Variants in NPSR1 observed in about 807,000 individuals in gnomAD.
The protein encoded by NPSR1 is neuropeptide S receptor.
In NPSR1, 48 loss-of-function variants were observed where a neutral mutation model predicts 46.9. The ratio of observed to expected loss-of-function variants is 1.02; its 90% CI spans 0.81 to 1.30. NPSR1 has a LOEUF of 1.30. Among genes scored for constraint, NPSR1 ranks in the 50% most tolerant of loss-of-function variants. The pLI, the probability that NPSR1 is intolerant of heterozygous loss-of-function variation, is 0.00. For synonymous variants in NPSR1, 176 were observed against 168.1 expected (o/e 1.05, Z -0.36); for missense variants, 450 against 449.5 (o/e 1.00, Z -0.01).
intron 3 of NPSR1, among the ~76,000 whole-genome samples, chr7:34,786,152 A>G (rs556964506): frequency 6.6e-6 from 1 of 152,144 alleles, no homozygotes; most frequent in African/African-American, 2.4e-5. Context: ...ATTGGAGTCA[A>G]TTCTCTCAAA....
intron 3 of NPSR1, among the ~76,000 whole-genome samples, chr7:34,811,464 G>A (rs903960187): frequency 1.3e-5 from 2 of 152,108 alleles, no homozygotes; most frequent in Non-Finnish European, 2.9e-5. Flanking sequence ...TATGGGTACA[G>A]GATAGGGGCA....
At chr7:34,700,653 C>G (rs1177261421) in intron 2 of NPSR1, among the ~76,000 whole-genome samples, 1 of 152,164 alleles carries the variant, frequency 6.6e-6, no homozygotes, top group Non-Finnish European at 1.5e-5. Context: ...TTTCCACAAA[C>G]TCACCTCTTT....
At chr7:34,660,888 G>C (rs1027495941) in intron 1 of NPSR1, among the ~76,000 whole-genome samples, 3 of 152,012 alleles carry the variant, frequency 2.0e-5, no homozygotes, top group South Asian at 4.2e-4. Flanking sequence ...AGCTTCATTA[G>C]TGTCACGGAC....
chr7:34,735,218 C>G, intron 2 of NPSR1, among the ~76,000 whole-genome samples: 1 of 152,288 alleles, frequency 6.6e-6, no homozygotes, highest in East Asian at 1.9e-4. Flanking sequence ...GAGAGTCTCT[C>G]CACTCCCTTG....
intron 2 of NPSR1, among the ~76,000 whole-genome samples, chr7:34,716,339 T>C (rs1783564695): frequency 6.6e-6 from 1 of 152,136 alleles, no homozygotes. Context: ...CTTGGTGCCA[T>C]GGAAAAATTT....
chr7:34,850,336 C>T (rs889966082), downstream of NPSR1, among the ~76,000 whole-genome samples: 6 of 151,604 alleles, frequency 4.0e-5, no homozygotes, highest in African/African-American at 1.5e-4. Flanking sequence ...TGTTAAAAAG[C>T]CATGGGCCCC....
Position 34,844,796 on chromosome 7 carries a change from A to C in NPSR1, c.758-100A>C. ...TCTGGGCATAAATGCACAGGATATAAGTGAAAACTGGAGTCTAACCTTTAA... is the reference window on the plus strand; with the variant it reads ...TCTGGGCATAAATGCACAGGATATACGTGAAAACTGGAGTCTAACCTTTAA... On this transcript the variant is annotated intron_variant, in intron 6 of 8. Coordinates refer to ENST00000360581, the MANE Select transcript of NPSR1 (RefSeq NM_207172.2). 6 of 807,286 alleles carry C rather than the reference A, an allele frequency of 7.4e-6. No individual in the cohort carries two copies. The South Asian group carries it at 8.3e-5, about 11-fold the overall frequency. The allele number at this position is 807,286 out of a possible 1,614,324, so 50.0% of individuals were successfully genotyped here. A position where few individuals can be genotyped will look rare whatever the true frequency, so the allele number is the denominator to read the frequency against.
intron 2 of NPSR1, among the ~76,000 whole-genome samples, chr7:34,755,186 C>T (rs67700340): frequency 0.11 from 16,837 of 152,170 alleles, 1,123 homozygotes; most frequent in Middle Eastern, 0.16. Flanking sequence ...GGTTAGCATT[C>T]TAAGCAACTA....
rs192024938 is a variant in NPSR1, at chr7:34,716,160, T to A, written c.280+31476T>A. 1.7e-4 allele frequency among the ~76,000 whole-genome samples: 26 copies of A among 152,180 alleles called. No individual in the cohort carries two copies. In the East Asian group the frequency reaches 4.5e-3, roughly 26 times the overall value. ...GTGCCCACTTATTGGAAAACACACC[T>A]GAGATGAAAAGCATGCTCTAAACTC... On this transcript the variant is annotated intron_variant, in intron 2 of 8. Coordinates refer to ENST00000360581, the MANE Select transcript of NPSR1 (RefSeq NM_207172.2).
chr7:34,775,453 G>A (rs948574203), intron 2 of NPSR1, among the ~76,000 whole-genome samples: 2 of 152,282 alleles, frequency 1.3e-5, no homozygotes, highest in Non-Finnish European at 1.5e-5. Context: ...ATTCAGCAGA[G>A]AAGCCATCAG....
chr7:34,748,874 T>C (rs1173017636), intron 2 of NPSR1, among the ~76,000 whole-genome samples: 1 of 147,634 alleles, frequency 6.8e-6, no homozygotes, highest in Non-Finnish European at 1.5e-5. Context: ...TGCATTCATC[T>C]TCCCCCCAGT....
intron 2 of NPSR1, among the ~76,000 whole-genome samples, chr7:34,696,442 C>A (rs1562658490): frequency 6.6e-6 from 1 of 151,950 alleles, no homozygotes; most frequent in Non-Finnish European, 1.5e-5. Flanking sequence ...CTGTGTATTA[C>A]AATATGCCTG....
chr7:34,702,493 A>G (rs1793879012), intron 2 of NPSR1, among the ~76,000 whole-genome samples: 1 of 152,212 alleles, frequency 6.6e-6, no homozygotes, highest in Non-Finnish European at 1.5e-5. Context: ...AGAACTGAGA[A>G]GTTTAGACAA....
At chr7:34,798,038 A>C (rs1307352245) in intron 3 of NPSR1, among the ~76,000 whole-genome samples, 1 of 152,204 alleles carries the variant, frequency 6.6e-6, no homozygotes, top group African/African-American at 2.4e-5. Context: ...GAAGTTCTTC[A>C]GATAAAGGGG....
intron 2 of NPSR1, among the ~76,000 whole-genome samples, chr7:34,730,356 T>G (rs913920543): frequency 6.6e-6 from 1 of 152,214 alleles, no homozygotes; most frequent in African/African-American, 2.4e-5. Context: ...CTGTACTTGC[T>G]GTTCCCTCTG....
At position 34,832,820 on chromosome 7, in the gene NPSR1, T is replaced by G. The variant is rs77106679; in HGVS notation, c.681-1564T>G. ...TTGCAATTGACATAACCATTAACTT[T>G]CCATGGTGAGTGTAACCTTACCTTG... On this transcript the variant is annotated intron_variant, in intron 5 of 8. Transcript: ENST00000360581. Among the ~76,000 whole-genome samples, 394 of 152,372 alleles carry G rather than the reference T, an allele frequency of 2.6e-3. 2 individuals carry two copies. Among genetic ancestry groups the G allele is most frequent in the African/African-American group, 9.2e-3 (381 of 41,598 alleles).
intron 4 of NPSR1, among the ~76,000 whole-genome samples, chr7:34,819,451 C>G (rs920311436): frequency 6.6e-6 from 1 of 152,204 alleles, no homozygotes; most frequent in Admixed American, 6.5e-5. Flanking sequence ...AATAGGAACA[C>G]TTTTACACTG....
chr7:34,783,770 G>T (rs1458374092), intron 3 of NPSR1, among the ~76,000 whole-genome samples: 1 of 151,904 alleles, frequency 6.6e-6, no homozygotes, highest in Non-Finnish European at 1.5e-5. Context: ...CAAGAGAGAA[G>T]AGGCAAATCA....
chr7:34,807,886 C>T (rs1350484339), intron 3 of NPSR1, among the ~76,000 whole-genome samples: 2 of 151,904 alleles, frequency 1.3e-5, no homozygotes, highest in Non-Finnish European at 2.9e-5. Flanking sequence ...GCTCCCCGCC[C>T]CTACCCCCCA....
Sources: gnomAD v4.1 joint callset for allele counts (sites outside exome capture counted in the v4.1 genomes callset) on GRCh38, gnomAD v4.1.1 for gene constraint, MANE v1.5 for transcripts, NCBI Gene and HGNC (gene_info 2026-07-23, HGNC 2026-07-21) for gene names.